LUC7L: variants seen among roughly 807,000 people sequenced by gnomAD.
LUC7L encodes the protein LUC7 like.
LUC7L carries 29 observed loss-of-function variants against 51.1 expected under a neutral mutation model. The observed-to-expected ratio is 0.57, with a 90% CI of 0.42 to 0.77. The LOEUF is 0.77. LUC7L is among the 30% of genes least tolerant of loss of function. The pLI is 0.00. For synonymous variants in LUC7L, 181 were observed against 180.7 expected, an observed-to-expected ratio of 1.00 and a Z score of -0.01; for missense variants, 403 against 511.9, an observed-to-expected ratio of 0.79 and a Z score of 2.05.
intron 5 of LUC7L, among the ~76,000 whole-genome samples, chr16:201,170 GAAAAAAAA>G (rs36033830): frequency 5.7e-5 from 4 of 70,372 alleles, no homozygotes; most frequent in Admixed American, 2.3e-4. Context: ...CTCTGTCTGA[GAAAAAAAA>G]AAAAAAAAAA....
intron 6 of LUC7L, among the ~76,000 whole-genome samples, chr16:194,374 T>G (rs1051489440): frequency 2.6e-5 from 4 of 152,226 alleles, no homozygotes; most frequent in African/African-American, 9.6e-5. Flanking sequence ...CCCAAAGTGC[T>G]GGGGTTACAG....
rs1234737600 is a variant in LUC7L, at chr16:228,972, G to A, written c.61+307C>T. The A allele has an allele frequency of 3.5e-6, 5 of 1,428,264 alleles. No homozygotes were observed. The African/African-American group carries it at 4.3e-5, about 12-fold the overall frequency. The allele number at this position is 1,428,264 out of a possible 1,614,324, so 88.5% of individuals were successfully genotyped here. A position where few individuals can be genotyped will look rare whatever the true frequency, so the allele number is the denominator to read the frequency against. On this transcript the variant is annotated intron_variant, in intron 1 of 9. Coordinates refer to ENST00000293872, the MANE Select transcript of LUC7L (RefSeq NM_201412.3). Reference sequence around the variant, plus strand: ...ATTCCAGCCCTCCGCCGACTCCACAGTTCGCGGAGGGGCACGGAGCCGCGG... The same window carrying A: ...ATTCCAGCCCTCCGCCGACTCCACAATTCGCGGAGGGGCACGGAGCCGCGG...
chr16:196,095 T>G (rs952741155), intron 6 of LUC7L, among the ~76,000 whole-genome samples: 1 of 151,198 alleles, frequency 6.6e-6, no homozygotes, highest in East Asian at 1.9e-4. Flanking sequence ...AATAAAAGAT[T>G]GCAGATATTA....
intron 5 of LUC7L, 96 bp downstream of exon 5, chr16:205,907 TA>T: frequency 6.9e-7 from 1 of 1,439,196 alleles, no homozygotes; most frequent in Non-Finnish European, 9.4e-7. Context: ...ATAAATTTTT[TA>T]AAAAATGGGA....
rs1447945680 is a variant in LUC7L at position 202,482 on chromosome 16, T to C, written c.511-3244A>G. Among the ~76,000 whole-genome samples, 3 of 152,168 alleles carry C rather than the reference T, an allele frequency of 2.0e-5. No homozygotes were observed. The East Asian group carries it at 5.8e-4, about 29-fold the overall frequency. On this transcript the variant is annotated intron_variant, in intron 5 of 9. Transcript: ENST00000293872. ...TATCTTTTATACTGTATTTTTACTGTACCTTTTCTATGTTTACGTACACAA... is the reference window on the plus strand; with the variant it reads ...TATCTTTTATACTGTATTTTTACTGCACCTTTTCTATGTTTACGTACACAA...
chr16:226,237 A>T (rs1642551471), intron 2 of LUC7L, among the ~76,000 whole-genome samples: 3 of 152,158 alleles, frequency 2.0e-5, no homozygotes, highest in African/African-American at 4.8e-5. Context: ...CTCCTCCCTA[A>T]TATAAGCAAT....
intron 2 of LUC7L, among the ~76,000 whole-genome samples, chr16:224,604 T>C (rs373220736): frequency 9.5e-4 from 142 of 150,120 alleles, no homozygotes; most frequent in African/African-American, 3.3e-3. Context: ...CAGAGGTGGG[T>C]GGATCACCTG....
At position 216,380 on chromosome 16, in the gene LUC7L, G is replaced by GTT. The variant is rs34292372; in HGVS notation, c.255+4267_255+4268dup. On this transcript the variant is annotated intron_variant, in intron 3 of 9. Transcript: ENST00000293872. Reference sequence around the variant, plus strand: ...TATAAACACTGGTTATCAAATAGTTGTTTTTTTTTTTTTTTTTTTTGAGAC... The same window carrying GTT: ...TATAAACACTGGTTATCAAATAGTTGTTTTTTTTTTTTTTTTTTTTTTGAGAC... Among the ~76,000 whole-genome samples, 194 of 107,284 alleles carry GTT rather than the reference G, an allele frequency of 1.8e-3. 6 individuals are homozygous for GTT. The highest frequency in any genetic ancestry group is 5.1e-3 in the African/African-American group (137 of 26,936). 70.4% of individuals were successfully genotyped at this position (107,284 alleles called of 152,430 possible). A position where few individuals can be genotyped will look rare whatever the true frequency, so the allele number is the denominator to read the frequency against.
intron 3 of LUC7L, among the ~76,000 whole-genome samples, chr16:216,923 C>T (rs1046148353): frequency 1.3e-5 from 2 of 151,746 alleles, no homozygotes; most frequent in South Asian, 2.1e-4. Flanking sequence ...CTTGAACTCC[C>T]GGGCTCAAGC....
At chr16:220,813 C>A in intron 2 of LUC7L, 66 bp from the exon 3 acceptor site, 1 of 999,358 alleles carries the variant, frequency 1.0e-6, no homozygotes, top group Non-Finnish European at 1.6e-6. Context: ...CACAACGCGA[C>A]TTGGTGTTTC....
chr16:189,343 G>C lies in LUC7L; in HGVS notation c.975-4C>G, dbSNP rs2048947522. On this transcript the variant is annotated splice_polypyrimidine_tract_variant and splice_region_variant and intron_variant, in intron 9 of 9. Coordinates refer to ENST00000293872, the MANE Select transcript of LUC7L (RefSeq NM_201412.3). The stretch of plus-strand genomic sequence containing the variant: ...GGATGCCCGCTCTCTGGAGAACCTG[G>C]GAAATGGGAACCAGAGGCTCAGTGG... 6.2e-7 allele frequency: 1 copy of C among 1,605,678 alleles called. No homozygotes were observed. Among genetic ancestry groups the C allele is most frequent in the Non-Finnish European group, 8.5e-7 (1 of 1,176,542 alleles).
intron 2 of LUC7L, among the ~76,000 whole-genome samples, chr16:226,292 C>T (rs986936327): frequency 6.6e-6 from 1 of 152,138 alleles, no homozygotes; most frequent in African/African-American, 2.4e-5. Flanking sequence ...CACATTTCAT[C>T]CTTAAAATGA....
intron 3 of LUC7L, among the ~76,000 whole-genome samples, chr16:211,042 C>T (rs976754054): frequency 2.2e-5 from 3 of 134,188 alleles, no homozygotes; most frequent in African/African-American, 8.2e-5. Flanking sequence ...GACAGGGCAA[C>T]ACTCCGTCTC....
At chr16:228,529 T>A in intron 1 of LUC7L, 1 of 1,213,244 alleles carries the variant, frequency 8.2e-7, no homozygotes, top group Non-Finnish European at 1.1e-6. Flanking sequence ...TGAAATAAAG[T>A]GCAAATAATC....
chr16:202,047 T>C (rs994366871), intron 5 of LUC7L, among the ~76,000 whole-genome samples: 1 of 152,040 alleles, frequency 6.6e-6, no homozygotes, highest in African/African-American at 2.4e-5. Flanking sequence ...CCCGGCCATA[T>C]TTTTAATTTC....
chr16:221,358 G>A (rs1259435939), intron 2 of LUC7L, among the ~76,000 whole-genome samples: 2 of 150,856 alleles, frequency 1.3e-5, no homozygotes. Flanking sequence ...TTTTATTTAT[G>A]CATCAGTCCA....
chr16:210,995 G>A lies in LUC7L; in HGVS notation c.256-2807C>T, dbSNP rs551927469. 2.0e-5 allele frequency among the ~76,000 whole-genome samples: 3 copies of A among 150,210 alleles called. No individual in the cohort carries two copies. The Admixed American group carries it at 2.0e-4, about 10-fold the overall frequency. On this transcript the variant is annotated intron_variant, in intron 3 of 9. Coordinates refer to ENST00000293872, the MANE Select transcript of LUC7L (RefSeq NM_201412.3). The stretch of plus-strand genomic sequence containing the variant: ...GAACCCGGGAGGTAGAGCTTGCAGT[G>A]AGCAGAGACTGTGTGCCACTGCACT...
chr16:199,279 A>G (rs762580307), intron 5 of LUC7L, 41 bp from the exon 6 acceptor site: 1 of 1,277,922 alleles, frequency 7.8e-7, no homozygotes, highest in African/African-American at 1.5e-5. Flanking sequence ...AGGTATATAG[A>G]ACTGCCACCA....
chr16:195,021 G>A (rs187369356), intron 6 of LUC7L, among the ~76,000 whole-genome samples: 230 of 152,244 alleles, frequency 1.5e-3, no homozygotes, highest in Non-Finnish European at 2.6e-3. Context: ...ACAAGGGCAC[G>A]GAAAGTATGC....
Sources: gnomAD v4.1 joint callset for allele counts (sites outside exome capture counted in the v4.1 genomes callset) on GRCh38, gnomAD v4.1.1 for gene constraint, MANE v1.5 for transcripts, NCBI Gene and HGNC (gene_info 2026-07-23, HGNC 2026-07-21) for gene names.